IRGM: variants seen among roughly 807,000 people sequenced by gnomAD.
IRGM encodes immunity-related GTPase family M protein.
For synonymous variants in IRGM, 98 were observed against 80.6 expected (o/e 1.22, Z -1.16); for missense variants, 288 against 219.9 (o/e 1.31, Z -1.96).
In IRGM at chr5:150,864,408, G is replaced by T. The variant is rs1754177729; in HGVS notation, c.159-13572G>T. 2.0e-5 allele frequency among the ~76,000 whole-genome samples: 3 copies of T among 151,962 alleles called. No individual in the cohort carries two copies. In the South Asian group the frequency reaches 6.2e-4, roughly 32 times the overall value. On this transcript the variant is annotated intron_variant and NMD_transcript_variant, in intron 1 of 3. Coordinates refer to the IRGM transcript ENST00000520549. ...GTAGATTTCCTTCTCCCCAGCTCTT[G>T]TTCCTCTTGTTCCCAAAGCCCTGGA...
intron 3 of IRGM, among the ~76,000 whole-genome samples, chr5:150,881,001 C>T (rs6888206): frequency 0.21 from 31,564 of 151,740 alleles, 5,258 homozygotes; most frequent in African/African-American, 0.45. Flanking sequence ...GTGGCACATG[C>T]CTGTAATCCC....
At chr5:150,882,533 A>G (rs1237526934) in intron 3 of IRGM, among the ~76,000 whole-genome samples, 3 of 152,212 alleles carry the variant, frequency 2.0e-5, no homozygotes, top group African/African-American at 7.2e-5. Flanking sequence ...ATGAAAAAAG[A>G]TAAACCATGT....
At chr5:150,865,680 T>A (rs991092358) in intron 1 of IRGM, among the ~76,000 whole-genome samples, 5 of 152,210 alleles carry the variant, frequency 3.3e-5, no homozygotes, top group African/African-American at 1.2e-4. Flanking sequence ...ACAGGCTTGT[T>A]CTTTATGGGA....
At chr5:150,876,724 G>T (rs1754369598) in intron 1 of IRGM, among the ~76,000 whole-genome samples, 1 of 152,104 alleles carries the variant, frequency 6.6e-6, no homozygotes, top group South Asian at 2.1e-4. Context: ...TGAAGGTTTG[G>T]GTCACTCCAC....
intron 3 of IRGM, among the ~76,000 whole-genome samples, chr5:150,880,143 A>G (rs961608900): frequency 4.6e-5 from 7 of 152,170 alleles, no homozygotes; most frequent in Non-Finnish European, 1.0e-4. Flanking sequence ...CACTGTCATT[A>G]TTTGTATAAT....
At chr5:150,885,432 A>T (rs1754506874) in intron 3 of IRGM, among the ~76,000 whole-genome samples, 1 of 151,896 alleles carries the variant, frequency 6.6e-6, no homozygotes, top group Non-Finnish European at 1.5e-5. Flanking sequence ...TTTAAAATTG[A>T]TTTTTAAAAA....
rs188406703 is a variant in IRGM, at chr5:150,864,237, C to T, written c.159-13743C>T. Among the ~76,000 whole-genome samples the T allele has an allele frequency of 9.3e-4, 142 of 152,084 alleles. 1 individual carries two copies. The highest frequency in any genetic ancestry group is 3.3e-3 in the African/African-American group (136 of 41,484). On this transcript the variant is annotated intron_variant and NMD_transcript_variant, in intron 1 of 3. Transcript: ENST00000520549. ...TGCTCTGGCCAGCCAGACGCTTGAC[C>T]TTCTTTTCCATCTTTTACCTTTGTT... is the stretch of plus-strand genomic sequence containing the variant.
rs773634665 is a variant in IRGM at position 150,896,030 on chromosome 5, A to G, written c.*141-4559A>G. 3.7e-6 allele frequency: 6 copies of G among 1,613,224 alleles called. No homozygotes were observed. The East Asian group carries it at 8.9e-5, about 24-fold the overall frequency. On this transcript the variant is annotated intron_variant and NMD_transcript_variant, in intron 3 of 3. Coordinates refer to the IRGM transcript ENST00000520549. ...TACACTCATACGGCTTCTCTCCAGTATGAGCTCTGTGGTGTATAATCAGCT... is the reference window on the plus strand; with the variant it reads ...TACACTCATACGGCTTCTCTCCAGTGTGAGCTCTGTGGTGTATAATCAGCT...
At chr5:150,885,337 G>C (rs200789799) in intron 3 of IRGM, among the ~76,000 whole-genome samples, 15,214 of 152,110 alleles carry the variant, frequency 0.1, 1,037 homozygotes, top group East Asian at 0.39. Flanking sequence ...ATAGTTTGAA[G>C]TTGGGTAACA....
chr5:150,864,324 A>C (rs1398663975), intron 1 of IRGM, among the ~76,000 whole-genome samples: 7 of 152,078 alleles, frequency 4.6e-5, no homozygotes, highest in Non-Finnish European at 1.0e-4. Context: ...TTTCCTTATT[A>C]AAATTAATTT....
rs1169723689 is a variant in IRGM, at chr5:150,848,343, A to G, written c.220A>G (p.Arg74Gly). ...PPTELVKATQ[R>G]CASYFSSHFS... ...TACTGAGCTGGTAAAAGCTACCCAA[A>G]GATGTGCCTCCTATTTCTCTTCCCA... is the stretch of plus-strand genomic sequence containing the variant. The change falls in exon 2 of 2, where the codon AGA becomes GGA. Residue 74 changes from arginine to glycine, a missense_variant. By Grantham distance (125) the Arg-to-Gly change is moderately radical. Coordinates refer to ENST00000522154, the MANE Select transcript of IRGM (RefSeq NM_001145805.2). The G allele has an allele frequency of 6.4e-7, 1 of 1,551,704 alleles. No individual in the cohort carries two copies. The highest frequency in any genetic ancestry group is 8.7e-7 in the Non-Finnish European group (1 of 1,146,978).
At chr5:150,849,822 G>T (rs1425038109), downstream of IRGM, among the ~76,000 whole-genome samples, 1 of 151,968 alleles carries the variant, frequency 6.6e-6, no homozygotes, top group Non-Finnish European at 1.5e-5. Flanking sequence ...GGCCAGGATG[G>T]TCTGAATTTC....
chr5:150,877,717 G>T (rs1183660519), intron 1 of IRGM, among the ~76,000 whole-genome samples: 1 of 152,058 alleles, frequency 6.6e-6, no homozygotes, highest in Non-Finnish European at 1.5e-5. Flanking sequence ...GGATAGGTTG[G>T]GTACCATGCT....
chr5:150,886,994 T>C (rs1754535430), intron 3 of IRGM, among the ~76,000 whole-genome samples: 1 of 152,060 alleles, frequency 6.6e-6, no homozygotes, highest in South Asian at 2.1e-4. Flanking sequence ...CATTGTGATG[T>C]TAGGTTGTTA....
chr5:150,888,915 C>CT (rs1754565960), intron 3 of IRGM, among the ~76,000 whole-genome samples: 1 of 152,028 alleles, frequency 6.6e-6, no homozygotes, highest in Non-Finnish European at 1.5e-5. Context: ...AACCAATAAA[C>CT]TAGATCTATT....
Position 150,886,584 on chromosome 5 carries a change from A to T in IRGM, c.*140+6938A>T, listed in dbSNP as rs199605097. On this transcript the variant is annotated intron_variant and NMD_transcript_variant, in intron 3 of 3. Transcript: ENST00000520549. ...TACTGATTCAATTTCAGAGCTCATT[A>T]TTGGTCTGTTCAGGAAATCAATTTT... Among the ~76,000 whole-genome samples the T allele has an allele frequency of 4.6e-5, 7 of 152,018 alleles. No homozygotes were observed. The East Asian group carries it at 1.4e-3, about 29-fold the overall frequency.
chr5:150,870,509 CTTTTT>C (rs60200385), intron 1 of IRGM, among the ~76,000 whole-genome samples: 7 of 135,630 alleles, frequency 5.2e-5, no homozygotes, highest in African/African-American at 1.6e-4. Context: ...TATACAACTC[CTTTTT>C]TTTTTTTTTT....
intron 1 of IRGM, among the ~76,000 whole-genome samples, chr5:150,860,897 A>C (rs919933572): frequency 6.6e-6 from 1 of 152,020 alleles, no homozygotes; most frequent in African/African-American, 2.4e-5. Context: ...TTTTTTTTTC[A>C]GAGTATATTA....
At chr5:150,860,274 G>A (rs1754117903) in intron 1 of IRGM, among the ~76,000 whole-genome samples, 1 of 152,232 alleles carries the variant, frequency 6.6e-6, no homozygotes, top group South Asian at 2.1e-4. Context: ...TTCATTACTG[G>A]ATCCTCCATT....
Sources: gnomAD v4.1 joint callset for allele counts (sites outside exome capture counted in the v4.1 genomes callset) on GRCh38, gnomAD v4.1.1 for gene constraint, MANE v1.5 for transcripts, NCBI Gene and HGNC (gene_info 2026-07-23, HGNC 2026-07-21) for gene names.